The following RSPO4 variants were observed in gnomAD, a reference collection of about 807,000 sequenced individuals.
RSPO4 encodes the protein R-spondin-4.
RSPO4 carries 23 observed loss-of-function variants against 24.8 expected under a neutral mutation model. That is an observed-to-expected ratio of 0.93 (90% CI 0.67 to 1.31). The LOEUF is 1.31. Ranked by LOEUF, RSPO4 falls within the 40% of genes most tolerant of loss-of-function variation. The probability of loss-of-function intolerance (pLI) is 0.00; values close to 1 mark genes in which losing one functional copy is unlikely to be tolerated. For synonymous variants in RSPO4, 141 were observed against 127.4 expected (o/e 1.11, Z -0.72); for missense variants, 333 against 316.5 (o/e 1.05, Z -0.39).
In RSPO4 at chr20:960,329, A is replaced by G; in HGVS notation, c.*28T>C. On this transcript the variant is annotated 3_prime_UTR_variant, in exon 5 of 5. Coordinates refer to ENST00000217260, the MANE Select transcript of RSPO4 (RefSeq NM_001029871.4). ...AGGAGGTGTGCAGGGGCCGAGGACT[A>G]GGACCAGAGAGTCGGGAGAGCCGGC... 1 of 1,473,052 alleles carries G rather than the reference A, an allele frequency of 6.8e-7. No individual in the cohort carries two copies. Among genetic ancestry groups the G allele is most frequent in the Non-Finnish European group, 9.2e-7 (1 of 1,089,426 alleles). The allele number at this position is 1,473,052 out of a possible 1,614,324, so 91.2% of individuals were successfully genotyped here.
intron 1 of RSPO4, among the ~76,000 whole-genome samples, chr20:991,041 C>A (rs1167565876): frequency 1.3e-5 from 2 of 152,336 alleles, no homozygotes; most frequent in African/African-American, 4.8e-5. Flanking sequence ...TTGGAAGAAT[C>A]CCTCGCGGGA....
At chr20:993,070 G>T (rs989587806) in intron 1 of RSPO4, among the ~76,000 whole-genome samples, 3 of 152,194 alleles carry the variant, frequency 2.0e-5, no homozygotes, top group Non-Finnish European at 4.4e-5. Flanking sequence ...GGCGGATGTG[G>T]GCTCTGCCAT....
chr20:1,001,030 C>A (rs977145752), intron 1 of RSPO4, among the ~76,000 whole-genome samples: 1 of 152,192 alleles, frequency 6.6e-6, no homozygotes, highest in Non-Finnish European at 1.5e-5. Context: ...TGCTCAGACC[C>A]GATGCCAGGG....
intron 1 of RSPO4, among the ~76,000 whole-genome samples, chr20:990,446 CTCTT>C (rs1985060410): frequency 1.3e-5 from 2 of 151,960 alleles, no homozygotes; most frequent in South Asian, 2.1e-4. Flanking sequence ...TTCATTCTTT[CTCTT>C]TCTCTTTTCT....
chr20:983,442 G>A (rs1984805375), intron 1 of RSPO4, among the ~76,000 whole-genome samples: 1 of 152,224 alleles, frequency 6.6e-6, no homozygotes, highest in South Asian at 2.1e-4. Context: ...CTGAGGCCAG[G>A]ATGGGGGTGA....
intron 1 of RSPO4, among the ~76,000 whole-genome samples, chr20:984,950 TCCAC>T (rs113145597): frequency 0.23 from 25,553 of 112,304 alleles, 5,869 homozygotes; most frequent in African/African-American, 0.6. Context: ...CATCCATCCA[TCCAC>T]CCACCCACCC....
chr20:972,790 C>G, intron 1 of RSPO4, among the ~76,000 whole-genome samples: 1 of 152,238 alleles, frequency 6.6e-6, no homozygotes, highest in East Asian at 1.9e-4. Context: ...CCAAGTTGCC[C>G]TGCGCTGTGC....
chr20:991,855 A>C (rs1985112566), intron 1 of RSPO4, among the ~76,000 whole-genome samples: 1 of 152,354 alleles, frequency 6.6e-6, no homozygotes, highest in South Asian at 2.1e-4. Flanking sequence ...TAAAATAAAA[A>C]ATCAGCTATT....
intron 1 of RSPO4, among the ~76,000 whole-genome samples, chr20:977,675 G>A (rs1241494500): frequency 1.3e-5 from 2 of 152,226 alleles, no homozygotes; most frequent in South Asian, 2.1e-4. Flanking sequence ...TCTTGCATGA[G>A]AACATCATGT....
intron 1 of RSPO4, among the ~76,000 whole-genome samples, chr20:980,287 G>C (rs1984695398): frequency 6.6e-6 from 1 of 152,080 alleles, no homozygotes; most frequent in Non-Finnish European, 1.5e-5. Context: ...CGCCTCCTCA[G>C]TCCTCCATGC....
At chr20:974,487 C>T (rs760434608) in intron 1 of RSPO4, among the ~76,000 whole-genome samples, 26 of 152,364 alleles carry the variant, frequency 1.7e-4, no homozygotes, top group Middle Eastern at 3.4e-3. Context: ...GGCTCTGCTC[C>T]TCTGCACTCT....
Position 982,990 on chromosome 20 carries a change from C to A in RSPO4, c.80-14852G>T, listed in dbSNP as rs183275453. Among the ~76,000 whole-genome samples, 470 of 152,322 alleles carry A rather than the reference C, an allele frequency of 3.1e-3. 1 individual carries two copies. The highest frequency in any genetic ancestry group is 6.4e-3 in the Admixed American group (98 of 15,306). ...GGGGGCAACGCCCACCGCTACAAAC[C>A]CAGGAGGCCTCCTCTGGGGAGGATG... On this transcript the variant is annotated intron_variant, in intron 1 of 4. Transcript: ENST00000217260.
chr20:982,416 GCCACTCA>G (rs1984766878), intron 1 of RSPO4, among the ~76,000 whole-genome samples: 1 of 152,222 alleles, frequency 6.6e-6, no homozygotes, highest in African/African-American at 2.4e-5. Context: ...ATATGCAGTT[GCCACTCA>G]TTTGAAAAAC....
intron 2 of RSPO4, among the ~76,000 whole-genome samples, chr20:967,708 G>T (rs1259258921): frequency 1.3e-5 from 2 of 152,234 alleles, no homozygotes; most frequent in East Asian, 3.8e-4. Flanking sequence ...ACATGCCTAA[G>T]GCCACACCAC....
Position 960,478 on chromosome 20 carries a change from G to C in RSPO4, c.596-12C>G. 6.5e-7 allele frequency: 1 copy of C among 1,532,772 alleles called. No homozygotes were observed. The highest frequency in any genetic ancestry group is 8.8e-7 in the Non-Finnish European group (1 of 1,141,536). The allele number at this position is 1,532,772 out of a possible 1,614,324, so 94.9% of individuals were successfully genotyped here. A position where few individuals can be genotyped will look rare whatever the true frequency, so the allele number is the denominator to read the frequency against. ...GCCGGGGCTCCTCTCTGCAATGAGAGGACAGAGCCCGGTGACCAAGGCTGC... is the reference window on the plus strand; with the variant it reads ...GCCGGGGCTCCTCTCTGCAATGAGACGACAGAGCCCGGTGACCAAGGCTGC... On this transcript the variant is annotated splice_polypyrimidine_tract_variant and intron_variant, in intron 4 of 4. Coordinates refer to ENST00000217260, the MANE Select transcript of RSPO4 (RefSeq NM_001029871.4).
intron 1 of RSPO4, among the ~76,000 whole-genome samples, chr20:975,211 C>G (rs897391020): frequency 6.6e-6 from 1 of 152,202 alleles, no homozygotes; most frequent in Non-Finnish European, 1.5e-5. Context: ...ACCTGATCAC[C>G]CTGGTGCTCC....
chr20:968,059 C>A lies in RSPO4; in HGVS notation c.159G>T (p.Arg53Ser), dbSNP rs371949198. Reference protein sequence around the residue: ...EENGCSTCQQRLFLFIRREGI... With the variant: ...EENGCSTCQQSLFLFIRREGI... ...CTTCCCGGCGGATGAACAGGAAGAG[C>A]CTCTGCTGGCAGGTGGAACAGCCGT... Residue 53 changes from arginine to serine, a missense_variant, in exon 2 of 5, where the codon AGG becomes AGT. By Grantham distance (110) the Arg-to-Ser change is moderately radical. Transcript: ENST00000217260. 1.9e-5 allele frequency: 30 copies of A among 1,614,076 alleles called. No individual in the cohort carries two copies. Among genetic ancestry groups the A allele is most frequent in the Non-Finnish European group, 2.4e-5 (28 of 1,180,036 alleles).
rs543587036 is a variant in RSPO4 at position 971,889 on chromosome 20, C to A, written c.80-3751G>T. ...GAGGAGGCCTACATTCTTTCTTCTC[C>A]TTCTCCACTAGCTCCCCTCCCAAGC... On this transcript the variant is annotated intron_variant, in intron 1 of 4. Coordinates refer to ENST00000217260, the MANE Select transcript of RSPO4 (RefSeq NM_001029871.4). 3.0e-4 allele frequency among the ~76,000 whole-genome samples: 45 copies of A among 152,268 alleles called. 2 individuals carry two copies. In the South Asian group the frequency reaches 8.7e-3, roughly 29 times the overall value.
intron 1 of RSPO4, among the ~76,000 whole-genome samples, chr20:991,007 G>C (rs1401364677): frequency 6.6e-6 from 1 of 152,224 alleles, no homozygotes; most frequent in Non-Finnish European, 1.5e-5. Flanking sequence ...GAAGGCCCGA[G>C]GGCTGCTGCA....
Sources: allele counts gnomAD v4.1 joint callset (sites outside exome capture counted in the v4.1 genomes callset), GRCh38; gene constraint gnomAD v4.1.1; transcripts MANE v1.5; gene names NCBI Gene and HGNC (gene_info 2026-07-23, HGNC 2026-07-21).